RAP1B: variants seen among roughly 807,000 people sequenced by gnomAD.
The protein encoded by RAP1B is ras-related protein Rap-1b.
Under a neutral mutation model 27.5 loss-of-function variants are expected in RAP1B, and 1 was observed. The ratio of observed to expected loss-of-function variants is 0.04; its 90% CI spans 0.01 to 0.17. The LOEUF (loss-of-function observed/expected upper bound fraction) is 0.17, where lower values mean the gene tolerates loss of function less well. RAP1B is among the 10% of genes least tolerant of loss of function. The pLI, the probability that RAP1B is intolerant of heterozygous loss-of-function variation, is 1.00. For synonymous variants in RAP1B, 75 were observed against 73.1 expected (o/e 1.03, Z -0.13); for missense variants, 84 against 214.8 (o/e 0.39, Z 3.81).
intron 4 of RAP1B, among the ~76,000 whole-genome samples, chr12:68,653,788 G>A (rs569423415): frequency 3.9e-5 from 6 of 151,988 alleles, no homozygotes; most frequent in South Asian, 2.1e-4. Flanking sequence ...AAAATTAGCC[G>A]GGCATGGTGG....
At chr12:68,623,579 C>T (rs1871532015) in intron 1 of RAP1B, among the ~76,000 whole-genome samples, 1 of 152,150 alleles carries the variant, frequency 6.6e-6, no homozygotes. Flanking sequence ...TGGATAGTCA[C>T]ATTAAGTGAG....
chr12:68,651,700 CTA>C (rs1372762147), intron 3 of RAP1B: 1 of 318,030 alleles, frequency 3.1e-6, no homozygotes, highest in Non-Finnish European at 5.9e-6. Context: ...TATTTCGAAA[CTA>C]TTTTTTTCTC....
chr12:68,653,879 C>T (rs1393191163), intron 4 of RAP1B, among the ~76,000 whole-genome samples: 3 of 151,356 alleles, frequency 2.0e-5, no homozygotes, highest in African/African-American at 4.9e-5. Context: ...TGCAGTGAGC[C>T]GAGGTCGCGC....
Position 68,648,791 on chromosome 12 carries a change from T to G in RAP1B, c.57+10T>G, listed in dbSNP as rs1477204671. ...TGGAAAGTCTGCTTTGGTAAGTCAT[T>G]CTTACTTTACCTAAGCCTTTCACTC... On this transcript the variant is annotated intron_variant, in intron 2 of 7. Coordinates refer to ENST00000250559, the MANE Select transcript of RAP1B (RefSeq NM_001010942.3). 7.5e-6 allele frequency: 12 copies of G among 1,607,402 alleles called. No individual in the cohort carries two copies. The highest frequency in any genetic ancestry group is 1.0e-5 in the Non-Finnish European group (12 of 1,177,370).
chr12:68,633,207 C>CA (rs1440868631), intron 1 of RAP1B, among the ~76,000 whole-genome samples: 4 of 151,940 alleles, frequency 2.6e-5, no homozygotes, highest in African/African-American at 9.7e-5. Context: ...TAAATTCCCC[C>CA]ATACCTCCAC....
chr12:68,632,528 C>T (rs1872341260), intron 1 of RAP1B, among the ~76,000 whole-genome samples: 1 of 151,980 alleles, frequency 6.6e-6, no homozygotes, highest in Non-Finnish European at 1.5e-5. Flanking sequence ...ATGTAAAGAT[C>T]AGATTCAGAT....
intron 1 of RAP1B, among the ~76,000 whole-genome samples, chr12:68,640,181 G>A (rs1201856328): frequency 6.6e-6 from 1 of 152,084 alleles, no homozygotes; most frequent in Non-Finnish European, 1.5e-5. Context: ...AAGCCTAATG[G>A]TAGTCTTTTG....
At chr12:68,646,840 C>G (rs1873443214) in intron 1 of RAP1B, among the ~76,000 whole-genome samples, 1 of 152,154 alleles carries the variant, frequency 6.6e-6, no homozygotes, top group Admixed American at 6.5e-5. Context: ...TCTTCGAAAA[C>G]AAAGACCTTT....
chr12:68,626,419 C>T (rs1871784584), intron 1 of RAP1B, among the ~76,000 whole-genome samples: 1 of 152,100 alleles, frequency 6.6e-6, no homozygotes, highest in African/African-American at 2.4e-5. Context: ...ACTTTGCAAC[C>T]TGTTCAGCAA....
Position 68,670,227 on chromosome 12 carries a change from T to G in RAP1B, c.*10978T>G, listed in dbSNP as rs1163824789. 1.3e-5 allele frequency: 2 copies of G among 152,164 alleles called. No homozygotes were observed. Among genetic ancestry groups the G allele is most frequent in the African/African-American group, 2.4e-5 (1 of 41,422 alleles). The allele number at this position is 152,164 out of a possible 1,614,324, so 9.4% of individuals were successfully genotyped here. A position where few individuals can be genotyped will look rare whatever the true frequency, so the allele number is the denominator to read the frequency against. On this transcript the variant is annotated 3_prime_UTR_variant, in exon 8 of 8. Coordinates refer to ENST00000250559, the MANE Select transcript of RAP1B (RefSeq NM_001010942.3). ...CTGGGATTACAGGTGTGAGCCACTGTGCCCGGCCGACAAAAATATATTTCA... is the reference window on the plus strand; with the variant it reads ...CTGGGATTACAGGTGTGAGCCACTGGGCCCGGCCGACAAAAATATATTTCA...
At position 68,663,966 on chromosome 12, in the gene RAP1B, T is replaced by C. The variant is rs931281884; in HGVS notation, c.*4717T>C. 6.6e-6 allele frequency: 1 copy of C among 152,190 alleles called. No individual in the cohort carries two copies. The highest frequency in any genetic ancestry group is 6.5e-5 in the Admixed American group (1 of 15,278). The allele number at this position is 152,190 out of a possible 1,614,324, so 9.4% of individuals were successfully genotyped here. A position where few individuals can be genotyped will look rare whatever the true frequency, so the allele number is the denominator to read the frequency against. On this transcript the variant is annotated 3_prime_UTR_variant, in exon 8 of 8. Transcript: ENST00000250559. ...AAAGTGAGCTGTCATTTTTCATATA[T>C]ATAAATTTTTTTATTCATAGGTAAT...
intron 1 of RAP1B, among the ~76,000 whole-genome samples, chr12:68,616,156 G>A (rs537829177): frequency 6.6e-6 from 1 of 151,960 alleles, no homozygotes; most frequent in Non-Finnish European, 1.5e-5. Context: ...TAGAGACGGG[G>A]TTTCACTGTG....
chr12:68,630,837 C>A (rs892743178), intron 1 of RAP1B, among the ~76,000 whole-genome samples: 1 of 151,974 alleles, frequency 6.6e-6, no homozygotes, highest in Admixed American at 6.6e-5. Context: ...CAGGCCACCA[C>A]GCCTGGCTAA....
At chr12:68,625,701 A>T (rs1050875720) in intron 1 of RAP1B, among the ~76,000 whole-genome samples, 1 of 152,168 alleles carries the variant, frequency 6.6e-6, no homozygotes, top group Non-Finnish European at 1.5e-5. Context: ...CGGGTGGATC[A>T]TGAGGTCGAG....
rs1874544502 is a variant in RAP1B, at chr12:68,660,613, A to G, written c.*1364A>G. On this transcript the variant is annotated 3_prime_UTR_variant, in exon 8 of 8. Coordinates refer to ENST00000250559, the MANE Select transcript of RAP1B (RefSeq NM_001010942.3). ...CCCTGGTTTTAATTGTAATAGGTGC[A>G]TTTTACACAGCATGGTTTCATAATT... The G allele has an allele frequency of 6.6e-6, 1 of 152,644 alleles. No individual in the cohort carries two copies. The highest frequency in any genetic ancestry group is 6.5e-5 in the Admixed American group (1 of 15,288). 9.5% of individuals were successfully genotyped at this position (152,644 alleles called of 1,614,324 possible).
chr12:68,615,804 CAT>C (rs897059824), intron 1 of RAP1B, among the ~76,000 whole-genome samples: 1 of 152,024 alleles, frequency 6.6e-6, no homozygotes, highest in Non-Finnish European at 1.5e-5. Flanking sequence ...TACACACACA[CAT>C]ATACATATAT....
intron 1 of RAP1B, among the ~76,000 whole-genome samples, chr12:68,647,570 T>TC (rs2135957549): frequency 6.6e-6 from 1 of 150,536 alleles, no homozygotes; most frequent in East Asian, 2.0e-4. Flanking sequence ...GCTCTTTTTT[T>TC]CCCTTTTTTT....
At chr12:68,624,813 T>C (rs1254778596) in intron 1 of RAP1B, 1 of 152,316 alleles carries the variant, frequency 6.6e-6, no homozygotes, top group Non-Finnish European at 1.5e-5. Flanking sequence ...AGACTCCGTC[T>C]CAAACAACAA....
At chr12:68,654,341 G>A (rs1203908650) in intron 5 of RAP1B, 89 bp downstream of exon 5, 5 of 238,246 alleles carry the variant, frequency 2.1e-5, no homozygotes, top group Non-Finnish European at 3.3e-5. Flanking sequence ...TAAAGCTTGT[G>A]TATTTTGGTT....
Sources: allele counts gnomAD v4.1 joint callset (sites outside exome capture counted in the v4.1 genomes callset), GRCh38; gene constraint gnomAD v4.1.1; transcripts MANE v1.5; gene names NCBI Gene and HGNC (gene_info 2026-07-23, HGNC 2026-07-21).